The following SESN1 variants were observed in gnomAD, a reference collection of about 807,000 sequenced individuals.
SESN1 encodes the protein sestrin-1.
In SESN1, 30 loss-of-function variants were observed where a neutral mutation model predicts 59.3. That is an observed-to-expected ratio of 0.51 (90% CI 0.38 to 0.69). The LOEUF (loss-of-function observed/expected upper bound fraction) is 0.69, where lower values mean the gene tolerates loss of function less well. Among genes scored for constraint, SESN1 ranks in the 30% least tolerant of loss-of-function variants. The pLI is 0.00. For missense variants in SESN1, 566 were observed against 673.0 expected (o/e 0.84, Z 1.76); for synonymous variants, 197 against 219.9 (o/e 0.90, Z 0.92).
At chr6:109,006,881 T>C (rs1779743699) in intron 1 of SESN1, among the ~76,000 whole-genome samples, 1 of 152,190 alleles carries the variant, frequency 6.6e-6, no homozygotes, top group African/African-American at 2.4e-5. Context: ...AATTCAATTA[T>C]TCCTTCATCT....
At chr6:109,042,768 A>T (rs13192030) in intron 1 of SESN1, among the ~76,000 whole-genome samples, 5,961 of 152,110 alleles carry the variant, frequency 0.039, 155 homozygotes, top group South Asian at 0.067. Flanking sequence ...TCACTGGATA[A>T]CTCCACCAAA....
Position 108,993,249 on chromosome 6 carries a change from C to T in SESN1, c.1121-350G>A, listed in dbSNP as rs184372786. Among the ~76,000 whole-genome samples the T allele has an allele frequency of 1.1e-3, 170 of 152,224 alleles. 1 individual carries two copies. Among genetic ancestry groups the T allele is most frequent in the African/African-American group, 4.0e-3 (165 of 41,526 alleles). Reference sequence around the variant, plus strand: ...TTTTTAAGATAACTACAAAAATCAGCTATGCTCCAAAATTTAGCACTTAGA... The same window carrying T: ...TTTTTAAGATAACTACAAAAATCAGTTATGCTCCAAAATTTAGCACTTAGA... On this transcript the variant is annotated intron_variant, in intron 6 of 9. Transcript: ENST00000436639.
At chr6:108,987,861 G>A (rs754790164) in intron 9 of SESN1, among the ~76,000 whole-genome samples, 20 of 147,738 alleles carry the variant, frequency 1.4e-4, no homozygotes, top group Non-Finnish European at 1.3e-4. Flanking sequence ...CGGGTGCAGT[G>A]GCACGATCTT....
chr6:109,038,967 A>G (rs1160920639), intron 1 of SESN1, among the ~76,000 whole-genome samples: 1 of 150,366 alleles, frequency 6.7e-6, no homozygotes, highest in Non-Finnish European at 1.5e-5. Flanking sequence ...AAGGGAGAAG[A>G]AGGAAAAGAA....
intron 1 of SESN1, among the ~76,000 whole-genome samples, chr6:109,011,964 T>C (rs1779866509): frequency 1.3e-5 from 2 of 152,238 alleles, no homozygotes; most frequent in Admixed American, 6.5e-5. Flanking sequence ...TCTATCATTG[T>C]GCAGATTTAA....
intron 1 of SESN1, among the ~76,000 whole-genome samples, chr6:109,038,539 CCTA>C: frequency 6.6e-6 from 1 of 152,266 alleles, no homozygotes; most frequent in East Asian, 1.9e-4. Context: ...ACCTGAATTA[CCTA>C]CAGCACAATG....
At chr6:109,093,753 C>T in intron 1 of SESN1, 42 bp downstream of exon 1, 5 of 1,566,214 alleles carry the variant, frequency 3.2e-6, no homozygotes, top group Non-Finnish European at 4.3e-6. Context: ...TAAAATTTAA[C>T]TGTAGTAGAG....
At chr6:109,045,318 T>C (rs925977954) in intron 1 of SESN1, among the ~76,000 whole-genome samples, 1 of 152,178 alleles carries the variant, frequency 6.6e-6, no homozygotes, top group Non-Finnish European at 1.5e-5. Context: ...TAGCCTCCTT[T>C]CTGTCTCAAT....
intron 1 of SESN1, among the ~76,000 whole-genome samples, chr6:109,019,591 C>CT (rs1779977808): frequency 6.6e-6 from 1 of 152,154 alleles, no homozygotes. Flanking sequence ...TAAAGTCACT[C>CT]TTATCCTTTA....
intron 1 of SESN1, among the ~76,000 whole-genome samples, chr6:109,061,748 G>A (rs1259885597): frequency 6.6e-6 from 1 of 151,952 alleles, no homozygotes; most frequent in African/African-American, 2.4e-5. Context: ...AGGTTGCAGT[G>A]AACTGAGAGC....
intron 1 of SESN1, among the ~76,000 whole-genome samples, chr6:109,022,411 C>CTTTTTTT (rs779366759): frequency 1.4e-4 from 9 of 65,878 alleles, no homozygotes; most frequent in East Asian, 5.1e-4. Flanking sequence ...TGTTCTAAAG[C>CTTTTTTT]TTTTTTTTTT....
chr6:108,989,528 TATAGAG>T (rs1291345313), intron 8 of SESN1, among the ~76,000 whole-genome samples: 72 of 147,084 alleles, frequency 4.9e-4, no homozygotes, highest in African/African-American at 1.5e-3. Context: ...GAGAGATATC[TATAGAG>T]ATAGAGATAT....
intron 1 of SESN1, among the ~76,000 whole-genome samples, chr6:109,068,911 G>C (rs945766591): frequency 6.6e-6 from 1 of 151,864 alleles, no homozygotes; most frequent in African/African-American, 2.4e-5. Flanking sequence ...TAGTAGAGAT[G>C]GGGTTTCATC....
At chr6:109,000,878 T>A (rs542242283) in intron 3 of SESN1, among the ~76,000 whole-genome samples, 6 of 152,244 alleles carry the variant, frequency 3.9e-5, no homozygotes, top group Non-Finnish European at 7.4e-5. Flanking sequence ...ACAAACAAAA[T>A]ATCTGATAAA....
intron 8 of SESN1, among the ~76,000 whole-genome samples, chr6:108,989,485 A>C (rs1265351871): frequency 2.1e-5 from 3 of 145,774 alleles, no homozygotes; most frequent in East Asian, 3.9e-4. Flanking sequence ...CTGTATATAT[A>C]TCTCTAGATC....
chr6:109,039,337 A>G (rs1484469931), intron 1 of SESN1, among the ~76,000 whole-genome samples: 2 of 152,258 alleles, frequency 1.3e-5, no homozygotes, highest in Non-Finnish European at 2.9e-5. Context: ...CTTATTAATC[A>G]TACCATCTTA....
intron 1 of SESN1, among the ~76,000 whole-genome samples, chr6:109,032,325 A>C (rs1314444081): frequency 2.0e-5 from 3 of 152,104 alleles, no homozygotes; most frequent in Non-Finnish European, 2.9e-5. Flanking sequence ...CCCCCTGTAC[A>C]TGAAAAGGTA....
At chr6:109,083,392 T>C (rs1005862388) in intron 1 of SESN1, among the ~76,000 whole-genome samples, 44 of 152,348 alleles carry the variant, frequency 2.9e-4, no homozygotes, top group African/African-American at 1.0e-3. Context: ...GTGAAATACA[T>C]AGCCTTTTCT....
rs998622292 is a variant in SESN1, at chr6:108,985,206, T to C, written c.*2338A>G. 4.6e-5 allele frequency among the ~76,000 whole-genome samples: 7 copies of C among 152,198 alleles called. No individual in the cohort carries two copies. The highest frequency in any genetic ancestry group is 2.0e-4 in the Admixed American group (3 of 15,262). The stretch of plus-strand genomic sequence containing the variant: ...TTTTACTTATCTACTTATCTCCTGG[T>C]GGTCTGTATCAAAATCAATCTCATT... On this transcript the variant is annotated 3_prime_UTR_variant, in exon 10 of 10. Transcript: ENST00000436639.
Sources: allele counts gnomAD v4.1 joint callset (sites outside exome capture counted in the v4.1 genomes callset), GRCh38; gene constraint gnomAD v4.1.1; transcripts MANE v1.5; gene names NCBI Gene and HGNC (gene_info 2026-07-23, HGNC 2026-07-21).